Variants in ANAPC1 observed in about 807,000 individuals in gnomAD.
The protein encoded by ANAPC1 is anaphase-promoting complex subunit 1.
A neutral mutation model predicts 208.0 loss-of-function variants in ANAPC1; 36 were observed. The observed-to-expected ratio is 0.17, with a 90% CI of 0.13 to 0.23. ANAPC1 has a LOEUF of 0.23. Among genes scored for constraint, ANAPC1 ranks in the 10% least tolerant of loss-of-function variants. ANAPC1 has a pLI of 1.00. For synonymous variants in ANAPC1, 378 were observed against 695.2 expected (o/e 0.54, Z 7.18); for missense variants, 942 against 2,011.6 (o/e 0.47, Z 10.17).
intron 46 of ANAPC1, among the ~76,000 whole-genome samples, chr2:111,773,390 C>A (rs1336917407): frequency 7.9e-5 from 12 of 152,184 alleles, no homozygotes; most frequent in Admixed American, 1.3e-4. Flanking sequence ...CAGAATGTAG[C>A]TGATGGAACC....
chr2:111,791,568 T>C (rs1421242328), intron 38 of ANAPC1, among the ~76,000 whole-genome samples: 5 of 152,148 alleles, frequency 3.3e-5, no homozygotes, highest in Non-Finnish European at 7.3e-5. Flanking sequence ...GAAAGTGTAA[T>C]ACAACACTGA....
At chr2:111,770,709 G>A (rs201482555) in intron 47 of ANAPC1, among the ~76,000 whole-genome samples, 27,125 of 91,034 alleles carry the variant, frequency 0.3, 4,076 homozygotes, top group African/African-American at 0.4. Flanking sequence ...AAATAATCCA[G>A]TACTGAGATC....
At chr2:111,816,688 C>T (rs1679256790) in intron 27 of ANAPC1, among the ~76,000 whole-genome samples, 1 of 143,412 alleles carries the variant, frequency 7.0e-6, no homozygotes, top group Non-Finnish European at 1.5e-5. Flanking sequence ...TTAATTACTG[C>T]ATAAAGTTAT....
At chr2:111,816,731 T>A (rs1298621664) in intron 27 of ANAPC1, among the ~76,000 whole-genome samples, 4 of 140,992 alleles carry the variant, frequency 2.8e-5, no homozygotes, top group African/African-American at 1.1e-4. Context: ...ATACCATTTT[T>A]AAAGAGTTCT....
chr2:111,835,635 A>G (rs1295147622), intron 18 of ANAPC1, among the ~76,000 whole-genome samples: 3 of 152,132 alleles, frequency 2.0e-5, no homozygotes, highest in African/African-American at 7.2e-5. Context: ...TCAGGAGATC[A>G]CGACCTTCCT....
intron 3 of ANAPC1, among the ~76,000 whole-genome samples, chr2:111,877,074 C>T (rs1169651083): frequency 6.6e-6 from 1 of 150,942 alleles, no homozygotes; most frequent in Non-Finnish European, 1.5e-5. Flanking sequence ...ATAAATTGCA[C>T]ACACATCATG....
intron 16 of ANAPC1, among the ~76,000 whole-genome samples, chr2:111,845,996 A>AT (rs59478167): frequency 6.6e-6 from 1 of 151,444 alleles, no homozygotes; most frequent in African/African-American, 2.4e-5. Flanking sequence ...AAAAAAAAAA[A>AT]TACCTTTTAG....
At chr2:111,879,514 A>G (rs1388309916) in intron 2 of ANAPC1, among the ~76,000 whole-genome samples, 1 of 152,214 alleles carries the variant, frequency 6.6e-6, no homozygotes, top group Non-Finnish European at 1.5e-5. Flanking sequence ...GGGATATGAC[A>G]ATGGAATAAG....
chr2:111,799,202 C>T (rs1678317502), intron 34 of ANAPC1, among the ~76,000 whole-genome samples: 1 of 152,168 alleles, frequency 6.6e-6, no homozygotes. Flanking sequence ...TGAAAAAGTT[C>T]TCAACATTAA....
At chr2:111,860,003 A>T (rs1403850253) in intron 10 of ANAPC1, among the ~76,000 whole-genome samples, 3 of 152,162 alleles carry the variant, frequency 2.0e-5, no homozygotes, top group Non-Finnish European at 4.4e-5. Context: ...TGGTTAGGTT[A>T]GAAAATACTG....
intron 13 of ANAPC1, among the ~76,000 whole-genome samples, chr2:111,853,220 C>G (rs1220714769): frequency 6.6e-6 from 1 of 152,034 alleles, no homozygotes; most frequent in Non-Finnish European, 1.5e-5. Flanking sequence ...TTTAACTTAC[C>G]CATGTCATTA....
At chr2:111,865,376 CGA>C (rs1682347156) in intron 7 of ANAPC1, among the ~76,000 whole-genome samples, 1 of 152,032 alleles carries the variant, frequency 6.6e-6, no homozygotes, top group Non-Finnish European at 1.5e-5. Flanking sequence ...CAGACAGTGC[CGA>C]ACAGTACACT....
rs773576852 is a variant in ANAPC1 at position 111,850,921 on chromosome 2, T to C, written c.1516-11A>G. The C allele has an allele frequency of 2.1e-5, 34 of 1,584,714 alleles. No homozygotes were observed. The highest frequency in any genetic ancestry group is 2.7e-5 in the African/African-American group (2 of 72,880). On this transcript the variant is annotated splice_polypyrimidine_tract_variant and intron_variant, in intron 13 of 47. Transcript: ENST00000341068. ...AAAAACCTTTCCCACCTTTAAGCAA[T>C]AAAAACATGTGGAAAAAAAAATATT...
Position 111,869,081 on chromosome 2 carries a change from C to T in ANAPC1, c.612-985G>A, listed in dbSNP as rs548243807. On this transcript the variant is annotated intron_variant, in intron 6 of 47. Coordinates refer to ENST00000341068, the MANE Select transcript of ANAPC1 (RefSeq NM_022662.4). Reference sequence around the variant, plus strand: ...ATTGCATACTTAATACCTACTAGGCCCTGTGTCAAAGCTTATATACATTTA... The same window carrying T: ...ATTGCATACTTAATACCTACTAGGCTCTGTGTCAAAGCTTATATACATTTA... 2.0e-4 allele frequency among the ~76,000 whole-genome samples: 30 copies of T among 152,180 alleles called. No individual in the cohort carries two copies. In the South Asian group the frequency reaches 5.6e-3, roughly 28 times the overall value.
intron 5 of ANAPC1, chr2:111,873,103 C>T (rs1283098420): frequency 3.4e-6 from 2 of 580,662 alleles, no homozygotes; most frequent in Non-Finnish European, 5.8e-6. Context: ...CAGAAGACTT[C>T]CTAATTTACT....
intron 8 of ANAPC1, among the ~76,000 whole-genome samples, chr2:111,864,118 G>A (rs2104563954): frequency 6.6e-6 from 1 of 152,090 alleles, no homozygotes; most frequent in Admixed American, 6.5e-5. Context: ...CTTGAGCCAA[G>A]GAATTCAAGA....
At chr2:111,775,775 T>C (rs542162988) in intron 46 of ANAPC1, among the ~76,000 whole-genome samples, 69 of 152,212 alleles carry the variant, frequency 4.5e-4, no homozygotes, top group African/African-American at 1.6e-3. Context: ...AGGTCTGCCA[T>C]AGGTGATCAA....
chr2:111,882,628 T>C (rs1378143919), intron 1 of ANAPC1, among the ~76,000 whole-genome samples: 1 of 151,120 alleles, frequency 6.6e-6, no homozygotes, highest in Non-Finnish European at 1.5e-5. Flanking sequence ...TCCCAGCTAC[T>C]TGGGAGGCTA....
chr2:111,823,000 C>CTTTT lies in ANAPC1; in HGVS notation c.2813-404_2813-401dup, dbSNP rs58815496. ...TAGAGCAATAATAATTCTTTTTATT[C>CTTTT]TTTTTTTTTTTTTTTTTTTTTTTTT... On this transcript the variant is annotated intron_variant, in intron 24 of 47. Coordinates refer to ENST00000341068, the MANE Select transcript of ANAPC1 (RefSeq NM_022662.4). Among the ~76,000 whole-genome samples the CTTTT allele has an allele frequency of 1.1e-3, 65 of 61,304 alleles. 6 individuals carry two copies. The highest frequency in any genetic ancestry group is 4.0e-3 in the African/African-American group (56 of 14,086). 40.2% of individuals were successfully genotyped at this position (61,304 alleles called of 152,430 possible).
Sources: allele counts gnomAD v4.1 joint callset (sites outside exome capture counted in the v4.1 genomes callset), GRCh38; gene constraint gnomAD v4.1.1; transcripts MANE v1.5; gene names NCBI Gene and HGNC (gene_info 2026-07-23, HGNC 2026-07-21).